Variants in NOC3L observed in about 807,000 individuals in gnomAD.
NOC3L encodes the protein nucleolar complex protein 3 homolog.
In NOC3L, 85 loss-of-function variants were observed where a neutral mutation model predicts 102.5. The ratio of observed to expected loss-of-function variants is 0.83; its 90% CI spans 0.70 to 0.99. The LOEUF is 0.99. NOC3L is among the 50% of genes least tolerant of loss of function. The probability of loss-of-function intolerance (pLI) is 0.00; values close to 1 mark genes in which losing one functional copy is unlikely to be tolerated. For missense variants in NOC3L, 878 were observed against 914.9 expected (o/e 0.96, Z 0.52); for synonymous variants, 303 against 309.4 (o/e 0.98, Z 0.22).
chr10:94,347,988 T>C (rs1487330872), intron 10 of NOC3L, among the ~76,000 whole-genome samples: 1 of 151,782 alleles, frequency 6.6e-6, no homozygotes, highest in Non-Finnish European at 1.5e-5. Flanking sequence ...TTATCAATTA[T>C]ACCCTTTCTG....
the NOC3L span, chr10:94,324,663 G>T: frequency 1.1e-5 from 12 of 1,123,934 alleles, no homozygotes; most frequent in Non-Finnish European, 1.5e-5. Flanking sequence ...TTAGGAGAAA[G>T]TTCCTGAGTC....
intron 6 of NOC3L, 132 bp downstream of exon 6, chr10:94,354,831 T>A (rs1455919379): frequency 1.2e-6 from 1 of 850,136 alleles, no homozygotes; most frequent in Non-Finnish European, 1.8e-6. Flanking sequence ...ACTCTCTTAC[T>A]CTAACCCAGC....
intron 1 of NOC3L, 66 bp downstream of exon 1, chr10:94,362,764 C>T: frequency 1.3e-6 from 2 of 1,566,800 alleles, no homozygotes; most frequent in South Asian, 2.2e-5. Context: ...AAAGCTAACT[C>T]AGGCAGTGAC....
intron 14 of NOC3L, among the ~76,000 whole-genome samples, chr10:94,341,351 A>T (rs527721184): frequency 4.0e-4 from 61 of 152,028 alleles, no homozygotes; most frequent in South Asian, 1.2e-3. Flanking sequence ...CCCAAGTAAA[A>T]TATTTACAAA....
At chr10:94,346,695 C>A (rs1474388741) in intron 10 of NOC3L, 139 bp from the exon 11 acceptor site, 2 of 424,598 alleles carry the variant, frequency 4.7e-6, no homozygotes. Context: ...CATTTTACAC[C>A]AACTTCTTTT....
At chr10:94,339,050 T>A (rs1187433803) in intron 17 of NOC3L, among the ~76,000 whole-genome samples, 1 of 152,196 alleles carries the variant, frequency 6.6e-6, no homozygotes, top group Non-Finnish European at 1.5e-5. Context: ...CATAAAGATA[T>A]TCACTATAGC....
At chr10:94,322,111 G>A in the NOC3L span, 1 of 1,536,746 alleles carries the variant, frequency 6.5e-7, no homozygotes, top group Non-Finnish European at 9.0e-7. Context: ...ATAAATTATT[G>A]GAACAAATGT....
At chr10:94,327,507 A>T in the NOC3L span, among the ~76,000 whole-genome samples, 11 of 152,206 alleles carry the variant, frequency 7.2e-5, 1 homozygote, top group African/African-American at 2.7e-4. Context: ...CTTTGGAGGC[A>T]GCAGTCCAGC....
chr10:94,361,384 G>A, intron 2 of NOC3L: 1 of 410,090 alleles, frequency 2.4e-6, no homozygotes, highest in Admixed American at 4.2e-5. Context: ...TTATGTAACG[G>A]AGTACTTTCA....
At chr10:94,356,392 A>T (rs1471576180) in intron 5 of NOC3L, 143 bp downstream of exon 5, 1 of 623,644 alleles carries the variant, frequency 1.6e-6, no homozygotes, top group East Asian at 2.7e-5. Flanking sequence ...GAAGCTTTCA[A>T]ATGTGGAAAA....
chr10:94,338,987 C>T (rs12774398), intron 17 of NOC3L, among the ~76,000 whole-genome samples: 20,833 of 152,128 alleles, frequency 0.14, 1,581 homozygotes, highest in Middle Eastern at 0.27. Flanking sequence ...ATGCTTCTCA[C>T]CTTGCAATCA....
chr10:94,361,821 T>C lies in NOC3L; in HGVS notation c.61A>G (p.Lys21Glu). ...PSFRKLIKTS[K>E]VKLENKLKNK... ...TTTAGCTTGTTTTCAAGTTTGACTT[T>C]ACTAGTTTTTATTAACTTGCGAAAG... Residue 21 changes from lysine (K) to glutamate (E), a missense_variant, in exon 2 of 21, where the codon AAA becomes GAA. Physicochemically the swap from Lys to Glu is moderately conservative, Grantham distance 56. Transcript: ENST00000371361. 2 of 1,613,728 alleles carry C rather than the reference T, an allele frequency of 1.2e-6. No homozygotes were observed. Among genetic ancestry groups the C allele is most frequent in the Non-Finnish European group, 1.7e-6 (2 of 1,179,872 alleles).
the NOC3L span, among the ~76,000 whole-genome samples, chr10:94,321,629 GAA>G: frequency 1.3e-4 from 14 of 104,662 alleles, no homozygotes; most frequent in Admixed American, 2.2e-4. Flanking sequence ...CTCCATCTCA[GAA>G]AAAAAAAAAA....
rs747633382 is a variant in NOC3L at position 94,341,640 on chromosome 10, A to G, written c.1644+33T>C. On this transcript the variant is annotated intron_variant, in intron 14 of 20. Transcript: ENST00000371361. ...ATTTTTAAAATAGTAATTACCATTT[A>G]TATCTTTTAAAAAATAATTTATTAT... is the stretch of plus-strand genomic sequence containing the variant. 7.7e-6 allele frequency: 9 copies of G among 1,169,856 alleles called. No homozygotes were observed. The African/African-American group carries it at 9.6e-5, about 13-fold the overall frequency. 72.5% of individuals were successfully genotyped at this position (1,169,856 alleles called of 1,614,324 possible). A position where few individuals can be genotyped will look rare whatever the true frequency, so the allele number is the denominator to read the frequency against.
In NOC3L at chr10:94,354,993, T is replaced by C. The variant is rs1372560486; in HGVS notation, c.666A>G (p.Ala222=). The change falls in exon 6 of 21, where the codon GCA becomes GCG. Residue 222 remains alanine (A), a synonymous_variant. Transcript: ENST00000371361. ...QEKKMHIAAL[A]SAILSDPENN... ...TTTCTGGATCTGATAATATGGCAGA[T>C]GCCAAGGCTGCAATATGCATCTTCT... 2.5e-6 allele frequency: 4 copies of C among 1,613,330 alleles called. No homozygotes were observed. In the Admixed American group the frequency reaches 6.7e-5, roughly 27 times the overall value.
Position 94,338,580 on chromosome 10 carries a change from A to G in NOC3L, c.2091+28T>C, listed in dbSNP as rs371942691. 1.3e-4 allele frequency: 198 copies of G among 1,471,518 alleles called. 2 individuals carry two copies. In the African/African-American group the frequency reaches 2.4e-3, roughly 18 times the overall value. The allele number at this position is 1,471,518 out of a possible 1,614,324, so 91.2% of individuals were successfully genotyped here. On this transcript the variant is annotated intron_variant, in intron 18 of 20. Transcript: ENST00000371361. ...AAACAATTATTCACAAACATCCCCA[A>G]AAAGAAAAAAACCAGGGCCACTCTT...
chr10:94,340,510 A>G lies in NOC3L; in HGVS notation c.1645-14T>C, dbSNP rs77550343. On this transcript the variant is annotated splice_polypyrimidine_tract_variant and intron_variant, in intron 14 of 20. Transcript: ENST00000371361. ...ATAGCTTAGGTCCTTTAAAAAAAAAAGGGGGGGGTGAGGGGGATGGAATAT... is the reference window on the plus strand; with the variant it reads ...ATAGCTTAGGTCCTTTAAAAAAAAAGGGGGGGGGTGAGGGGGATGGAATAT... 10,045 of 714,800 alleles carry G rather than the reference A, an allele frequency of 0.014. 172 individuals are homozygous for G. Among genetic ancestry groups the G allele is most frequent in the African/African-American group, 0.084 (4,092 of 48,776 alleles). The allele number at this position is 714,800 out of a possible 1,614,324, so 44.3% of individuals were successfully genotyped here.
chr10:94,354,175 T>A (rs2134006919), intron 6 of NOC3L, among the ~76,000 whole-genome samples: 1 of 152,346 alleles, frequency 6.6e-6, no homozygotes, highest in South Asian at 2.1e-4. Context: ...CAAGTACTAC[T>A]CCAAAGCATT....
the NOC3L span, among the ~76,000 whole-genome samples, chr10:94,323,139 T>C: frequency 0.13 from 20,440 of 152,106 alleles, 1,543 homozygotes; most frequent in Middle Eastern, 0.27. Flanking sequence ...GTACTGACCA[T>C]CTCTCAAGGA....
Sources: gnomAD v4.1 joint callset for allele counts (sites outside exome capture counted in the v4.1 genomes callset) on GRCh38, gnomAD v4.1.1 for gene constraint, MANE v1.5 for transcripts, NCBI Gene and HGNC (gene_info 2026-07-23, HGNC 2026-07-21) for gene names.